Variants in SYN2 observed in about 807,000 individuals in gnomAD.
SYN2 encodes the protein synapsin-2.
Under a neutral mutation model 50.9 loss-of-function variants are expected in SYN2, and 19 were observed. That is an observed-to-expected ratio of 0.37 (90% CI 0.26 to 0.55). The LOEUF is 0.55. Among genes scored for constraint, SYN2 ranks in the 20% least tolerant of loss-of-function variants. The pLI is 0.81. For missense variants in SYN2, 587 were observed against 576.4 expected (o/e 1.02, Z -0.19); for synonymous variants, 255 against 224.9 (o/e 1.13, Z -1.20).
At chr3:12,098,917 G>T (rs1485523024) in intron 1 of SYN2, among the ~76,000 whole-genome samples, 1 of 148,852 alleles carries the variant, frequency 6.7e-6, no homozygotes, top group Non-Finnish European at 1.5e-5. Context: ...TGGAATGACT[G>T]TGCCAATATT....
intron 1 of SYN2, among the ~76,000 whole-genome samples, chr3:12,078,140 C>A (rs941498687): frequency 1.3e-5 from 2 of 152,002 alleles, no homozygotes; most frequent in Non-Finnish European, 2.9e-5. Context: ...CTGTTCATAT[C>A]TTTTGCCCAC....
intron 1 of SYN2, among the ~76,000 whole-genome samples, chr3:12,012,549 A>C (rs1432051361): frequency 2.6e-5 from 4 of 152,186 alleles, no homozygotes. Context: ...CTCATTTCTC[A>C]CTGTCCCCTC....
chr3:12,101,994 C>T lies in SYN2; in HGVS notation c.378-38657C>T, dbSNP rs138933232. Among the ~76,000 whole-genome samples the T allele has an allele frequency of 3.3e-3, 496 of 152,078 alleles. 1 individual carries two copies. The highest frequency in any genetic ancestry group is 0.011 in the African/African-American group (469 of 41,478). ...CAAGGCAGAGTGTGATCAGAGTTAT[C>T]GAATGATGCAAGTGATAAGAGGTAA... On this transcript the variant is annotated intron_variant, in intron 1 of 12. Transcript: ENST00000621198.
chr3:12,026,587 AAGGCCTCTCAGGTAGAGGAGTG>A (rs1163859145), intron 1 of SYN2, among the ~76,000 whole-genome samples: 3 of 152,144 alleles, frequency 2.0e-5, no homozygotes, highest in Admixed American at 1.3e-4. Context: ...TTAGGGGAGT[AAGGCCTCTCAGGTAGAGGAGTG>A]AGGCAGAAGA....
intron 1 of SYN2, among the ~76,000 whole-genome samples, chr3:12,057,293 G>C (rs1392952549): frequency 1.5e-5 from 2 of 137,168 alleles, no homozygotes; most frequent in African/African-American, 2.5e-5. Context: ...CTGTCTGTGT[G>C]TGTGTGTGTG....
chr3:12,173,219 T>C (rs1331488632), intron 10 of SYN2, among the ~76,000 whole-genome samples: 5 of 152,288 alleles, frequency 3.3e-5, no homozygotes, highest in Admixed American at 2.0e-4. Flanking sequence ...AACTTGAGCT[T>C]AAAGCCATGA....
chr3:12,022,785 C>T (rs145181907), intron 1 of SYN2, among the ~76,000 whole-genome samples: 1,791 of 146,670 alleles, frequency 0.012, 25 homozygotes, highest in Middle Eastern at 0.02. Flanking sequence ...TGGTCTCAAG[C>T]GATCCTCCTG....
chr3:12,140,753 T>C (rs772291623), intron 2 of SYN2, 45 bp downstream of exon 2: 7 of 730,664 alleles, frequency 9.6e-6, no homozygotes, highest in South Asian at 1.5e-5. Context: ...CATCACAGTT[T>C]CCTCTTGACA....
intron 5 of SYN2, among the ~76,000 whole-genome samples, chr3:12,156,546 G>A (rs534887871): frequency 8.5e-5 from 13 of 152,272 alleles, no homozygotes; most frequent in African/African-American, 2.6e-4. Context: ...TTTGAAAAAC[G>A]GAAGCAGCTG....
At chr3:12,080,512 C>A (rs1429572262) in intron 1 of SYN2, among the ~76,000 whole-genome samples, 1 of 152,038 alleles carries the variant, frequency 6.6e-6, no homozygotes, top group Non-Finnish European at 1.5e-5. Flanking sequence ...ACTTTGTTCT[C>A]GTTGGCTTCA....
At chr3:12,046,906 A>C (rs1694752517) in intron 1 of SYN2, among the ~76,000 whole-genome samples, 1 of 152,056 alleles carries the variant, frequency 6.6e-6, no homozygotes, top group Non-Finnish European at 1.5e-5. Context: ...TTTTAGGGGG[A>C]GATGATGAAT....
chr3:12,072,618 A>G (rs1405644695), intron 1 of SYN2, among the ~76,000 whole-genome samples: 1 of 152,190 alleles, frequency 6.6e-6, no homozygotes, highest in Non-Finnish European at 1.5e-5. Context: ...CCCTCACCAA[A>G]AGTAAATTGA....
chr3:12,017,174 A>G (rs1042277890), intron 1 of SYN2, among the ~76,000 whole-genome samples: 2 of 152,132 alleles, frequency 1.3e-5, no homozygotes, highest in Non-Finnish European at 2.9e-5. Context: ...TGTAGTGCAG[A>G]TGTAGGCTAG....
At chr3:12,075,625 G>T (rs1015080511) in intron 1 of SYN2, among the ~76,000 whole-genome samples, 1 of 151,190 alleles carries the variant, frequency 6.6e-6, no homozygotes, top group Non-Finnish European at 1.5e-5. Context: ...AAATCTTCAG[G>T]GTCATTATTT....
intron 1 of SYN2, among the ~76,000 whole-genome samples, chr3:12,136,162 T>C (rs1696889663): frequency 6.6e-6 from 1 of 152,192 alleles, no homozygotes; most frequent in Admixed American, 6.5e-5. Context: ...GAAGAAGCCA[T>C]GTTGGCTGTA....
chr3:12,111,716 G>A (rs1040143378), intron 1 of SYN2, among the ~76,000 whole-genome samples: 1 of 152,186 alleles, frequency 6.6e-6, no homozygotes, highest in Non-Finnish European at 1.5e-5. Context: ...GGCTTACCGA[G>A]TGGTTCTGGT....
intron 10 of SYN2, among the ~76,000 whole-genome samples, chr3:12,180,041 CA>C (rs1165932216): frequency 6.6e-6 from 1 of 152,178 alleles, no homozygotes; most frequent in Non-Finnish European, 1.5e-5. Flanking sequence ...ATCCACCTCC[CA>C]GGCTCAAGCT....
intron 1 of SYN2, among the ~76,000 whole-genome samples, chr3:12,075,937 C>T (rs1014595192): frequency 6.6e-6 from 1 of 152,150 alleles, no homozygotes; most frequent in African/African-American, 2.4e-5. Context: ...TTGCCAGTCA[C>T]TGTTGTAAAT....
At chr3:12,171,760 A>G (rs1225232961) in intron 10 of SYN2, among the ~76,000 whole-genome samples, 1 of 152,212 alleles carries the variant, frequency 6.6e-6, no homozygotes, top group Non-Finnish European at 1.5e-5. Context: ...TAAAGGTTGA[A>G]CACACTAAGA....
Sources: allele counts gnomAD v4.1 joint callset (sites outside exome capture counted in the v4.1 genomes callset), GRCh38; gene constraint gnomAD v4.1.1; transcripts MANE v1.5; gene names NCBI Gene and HGNC (gene_info 2026-07-23, HGNC 2026-07-21).